The following OR5V1 variants were observed in gnomAD, a reference collection of about 807,000 sequenced individuals.
OR5V1 encodes the protein olfactory receptor family 5 subfamily V member 1.
For missense variants in OR5V1, 365 were observed against 371.5 expected, an observed-to-expected ratio of 0.98 and a Z score of 0.14; for synonymous variants, 134 against 143.2, an observed-to-expected ratio of 0.94 and a Z score of 0.46.
Position 29,355,809 on chromosome 6 carries a change from A to C in OR5V1, c.387T>G (p.Pro129=). ...AYDRYIAICN[P]LRYSVILSKV... is the part of the protein sequence containing the mutation. ...TGCTCAGAATAACTGAATACCTTAA[A>C]GGATTGCAGATTGCAATGTAACGAT... Residue 129 remains proline (P), a synonymous_variant, in exon 2 of 2, where the codon CCT becomes CCG. Coordinates refer to ENST00000641768, the MANE Select transcript of OR5V1 (RefSeq NM_030876.6). The C allele has an allele frequency of 1.2e-6, 2 of 1,614,092 alleles. No homozygotes were observed. The highest frequency in any genetic ancestry group is 4.5e-5 in the East Asian group (2 of 44,884).
chr6:29,365,171 C>A (rs1306148985), intron 1 of OR5V1, among the ~76,000 whole-genome samples: 1 of 151,980 alleles, frequency 6.6e-6, no homozygotes, highest in Non-Finnish European at 1.5e-5. Flanking sequence ...AAGACTTAAA[C>A]ATAAAACCTA....
intron 1 of OR5V1, among the ~76,000 whole-genome samples, chr6:29,358,820 G>T (rs1190503140): frequency 1.3e-5 from 2 of 152,176 alleles, no homozygotes; most frequent in Admixed American, 6.5e-5. Context: ...GGGTGGACTG[G>T]TCAAAGGGTA....
At chr6:29,363,634 G>A (rs755457573) in intron 1 of OR5V1, among the ~76,000 whole-genome samples, 1 of 152,112 alleles carries the variant, frequency 6.6e-6, no homozygotes, top group Non-Finnish European at 1.5e-5. Context: ...GGGATAAAAG[G>A]CTGGTTCAAC....
At position 29,356,291 on chromosome 6, in the gene OR5V1, G is replaced by GA. The variant is rs1380356345; in HGVS notation, c.-82-15dup. On this transcript the variant is annotated splice_polypyrimidine_tract_variant and intron_variant, in intron 1 of 1. Transcript: ENST00000641768. ...CAATAGCATGACCTGAAAAATAAGG[G>GA]AAAAAACGGTTACAAATAAAAGTAA... 3 of 1,383,636 alleles carry GA rather than the reference G, an allele frequency of 2.2e-6. No individual in the cohort carries two copies. The highest frequency in any genetic ancestry group is 1.5e-5 in the South Asian group (1 of 67,086). 85.7% of individuals were successfully genotyped at this position (1,383,636 alleles called of 1,614,324 possible).
At chr6:29,357,171 G>T (rs940315961) in intron 1 of OR5V1, among the ~76,000 whole-genome samples, 3 of 152,130 alleles carry the variant, frequency 2.0e-5, no homozygotes, top group African/African-American at 7.2e-5. Context: ...GCAGGAATTA[G>T]TGTCTGTTTC....
intron 1 of OR5V1, among the ~76,000 whole-genome samples, chr6:29,358,247 CT>C (rs567849142): frequency 6.8e-4 from 104 of 152,226 alleles, no homozygotes; most frequent in Non-Finnish European, 1.3e-3. Flanking sequence ...CCCCTTTCAT[CT>C]TTTTTAACAT....
At chr6:29,363,246 C>T (rs1286580938) in intron 1 of OR5V1, among the ~76,000 whole-genome samples, 1 of 152,068 alleles carries the variant, frequency 6.6e-6, no homozygotes, top group Admixed American at 6.6e-5. Context: ...AAGCCTAAAC[C>T]AGGAAGAAGT....
chr6:29,355,703 A>T lies in OR5V1; in HGVS notation c.493T>A (p.Cys165Ser). ...TGATTGTTGCCACAGAAGGGCAGGC[A>T]GAATGTCAACACTGTATGCACCACT... ...NSVVHTVLTFCLPFCGNNQIN... is the reference protein window; with the variant it reads ...NSVVHTVLTFSLPFCGNNQIN... The change falls in exon 2 of 2, where the codon TGC (cysteine) becomes AGC (serine). Residue 165 changes from cysteine to serine, a missense_variant. Coordinates refer to ENST00000641768, the MANE Select transcript of OR5V1 (RefSeq NM_030876.6). The T allele has an allele frequency of 6.2e-7, 1 of 1,614,078 alleles. No individual in the cohort carries two copies.
In OR5V1 at chr6:29,356,328, G is replaced by A; in HGVS notation, c.-82-51C>T. On this transcript the variant is annotated intron_variant, in intron 1 of 1. Transcript: ENST00000641768. ...ACAAATAAAAGTAATCACCATTTAT[G>A]TCAAACCAGAGAAGCAGCATTCTTT... The A allele has an allele frequency of 2.9e-6, 3 of 1,032,446 alleles. No individual in the cohort carries two copies. In the South Asian group the frequency reaches 5.4e-5, roughly 19 times the overall value. The allele number at this position is 1,032,446 out of a possible 1,614,324, so 64.0% of individuals were successfully genotyped here.
rs1239226132 is a variant in OR5V1, at chr6:29,355,151, A to G, written c.*79T>C. Reference sequence around the variant, plus strand: ...CAATATCTGTCCCAACATTGCAATTATCTTTTAAACTTTCAATAAAAACAG... The same window carrying G: ...CAATATCTGTCCCAACATTGCAATTGTCTTTTAAACTTTCAATAAAAACAG... On this transcript the variant is annotated 3_prime_UTR_variant, in exon 2 of 2. Coordinates refer to ENST00000641768, the MANE Select transcript of OR5V1 (RefSeq NM_030876.6). 2.9e-6 allele frequency: 4 copies of G among 1,401,510 alleles called. No homozygotes were observed. Among genetic ancestry groups the G allele is most frequent in the East Asian group, 2.3e-5 (1 of 43,030 alleles). 86.8% of individuals were successfully genotyped at this position (1,401,510 alleles called of 1,614,324 possible).
In OR5V1 at chr6:29,355,706, A is replaced by T. The variant is rs145785545; in HGVS notation, c.490T>A (p.Phe164Ile). Residue 164 changes from phenylalanine to isoleucine, a missense_variant, in exon 2 of 2, where the codon TTC (phenylalanine) becomes ATC (isoleucine). Transcript: ENST00000641768. Reference protein sequence around the residue: ...LNSVVHTVLTFCLPFCGNNQI... With the variant: ...LNSVVHTVLTICLPFCGNNQI... Reference sequence around the variant, plus strand: ...TTGTTGCCACAGAAGGGCAGGCAGAATGTCAACACTGTATGCACCACTGAG... The same window carrying T: ...TTGTTGCCACAGAAGGGCAGGCAGATTGTCAACACTGTATGCACCACTGAG... 3.1e-6 allele frequency: 5 copies of T among 1,613,940 alleles called. No individual in the cohort carries two copies. In the African/African-American group the frequency reaches 6.7e-5, roughly 22 times the overall value.
At chr6:29,365,354 G>C (rs938538340) in intron 1 of OR5V1, among the ~76,000 whole-genome samples, 1 of 149,292 alleles carries the variant, frequency 6.7e-6, no homozygotes, top group East Asian at 1.9e-4. Flanking sequence ...AACTATCATC[G>C]GACTGAACAG....
Position 29,355,283 on chromosome 6 carries a change from C to T in OR5V1, c.913G>A (p.Gly305Arg). ...KDIKEAVKTI[G>R]SKWQPPISSL... ...GAAATTGGTGGCTGCCACTTGCTCC[C>T]TATAGTTTTGACAGCTTCTTTGATG... Residue 305 changes from glycine to arginine, a missense_variant, in exon 2 of 2, where the codon GGG becomes AGG. Gly to Arg is a moderately radical substitution (Grantham distance 125). Coordinates refer to ENST00000641768, the MANE Select transcript of OR5V1 (RefSeq NM_030876.6). 6.2e-7 allele frequency: 1 copy of T among 1,612,358 alleles called. No individual in the cohort carries two copies. Among genetic ancestry groups the T allele is most frequent in the Non-Finnish European group, 8.5e-7 (1 of 1,179,384 alleles).
chr6:29,356,408 T>C (rs1269720996), intron 1 of OR5V1, 131 bp from the exon 2 acceptor site: 7 of 505,828 alleles, frequency 1.4e-5, no homozygotes, highest in Non-Finnish European at 2.0e-5. Flanking sequence ...CATCCAATGT[T>C]TCACCTGCAG....
rs1184362033 is a variant in OR5V1 at position 29,354,075 on chromosome 6, G to A, written c.*1155C>T. The A allele has an allele frequency of 1.3e-5, 2 of 152,052 alleles. No individual in the cohort carries two copies. The highest frequency in any genetic ancestry group is 2.9e-5 in the Non-Finnish European group (2 of 67,984). 9.4% of individuals were successfully genotyped at this position (152,052 alleles called of 1,614,324 possible). A position where few individuals can be genotyped will look rare whatever the true frequency, so the allele number is the denominator to read the frequency against. ...GGAAGTCAAGACTTAATCAAGGGAG[G>A]CATCAGTAGGTATGGGAAGAAAAAG... On this transcript the variant is annotated 3_prime_UTR_variant, in exon 2 of 2. Transcript: ENST00000641768.
chr6:29,360,559 A>T (rs1238873768), intron 1 of OR5V1, among the ~76,000 whole-genome samples: 1 of 152,172 alleles, frequency 6.6e-6, no homozygotes, highest in African/African-American at 2.4e-5. Flanking sequence ...TCCCTTTGGG[A>T]TGAAGCTTCC....
At chr6:29,361,403 C>T (rs937806791) in intron 1 of OR5V1, among the ~76,000 whole-genome samples, 1 of 152,042 alleles carries the variant, frequency 6.6e-6, no homozygotes, top group Non-Finnish European at 1.5e-5. Context: ...CAAGACAGGT[C>T]AACATCCAAA....
chr6:29,363,272 A>C (rs1778667563), intron 1 of OR5V1, among the ~76,000 whole-genome samples: 1 of 152,192 alleles, frequency 6.6e-6, no homozygotes, highest in Non-Finnish European at 1.5e-5. Flanking sequence ...CCCTGAATAG[A>C]CCAATAACAA....
intron 1 of OR5V1, among the ~76,000 whole-genome samples, chr6:29,363,135 G>C (rs771884870): frequency 1.1e-4 from 16 of 152,144 alleles, no homozygotes; most frequent in Admixed American, 5.9e-4. Context: ...TGATCCCACA[G>C]TAATAGAAAC....
Sources: allele counts gnomAD v4.1 joint callset (sites outside exome capture counted in the v4.1 genomes callset), GRCh38; gene constraint gnomAD v4.1.1; transcripts MANE v1.5; gene names NCBI Gene and HGNC (gene_info 2026-07-23, HGNC 2026-07-21).